RTN4R: variants seen among roughly 807,000 people sequenced by gnomAD.
The protein encoded by RTN4R is reticulon 4 receptor.
RTN4R carries 4 observed loss-of-function variants against 27.7 expected under a neutral mutation model. That is an observed-to-expected ratio of 0.14 (90% CI 0.07 to 0.33). RTN4R has a LOEUF of 0.33. RTN4R is among the 10% of genes least tolerant of loss of function. RTN4R has a pLI of 1.00. For synonymous variants in RTN4R, 290 were observed against 305.6 expected (o/e 0.95, Z 0.53); for missense variants, 554 against 671.5 (o/e 0.83, Z 1.93).
At position 20,243,565 on chromosome 22, in the gene RTN4R, C is replaced by T. The variant is rs887154449; in HGVS notation, c.23-455G>A. 10 of 441,004 alleles carry T rather than the reference C, an allele frequency of 2.3e-5. No homozygotes were observed. In the East Asian group the frequency reaches 4.2e-4, roughly 19 times the overall value. The allele number at this position is 441,004 out of a possible 1,614,324, so 27.3% of individuals were successfully genotyped here. A position where few individuals can be genotyped will look rare whatever the true frequency, so the allele number is the denominator to read the frequency against. On this transcript the variant is annotated intron_variant, in intron 1 of 1. Transcript: ENST00000043402. ...AATGGGGCTGGGGTCCCTCTGGGCA[C>T]GTCTATCTCAAAAACGGGCGCCTGG...
intron 1 of RTN4R, among the ~76,000 whole-genome samples, chr22:20,263,531 C>T (rs887855195): frequency 6.6e-6 from 1 of 152,256 alleles, no homozygotes; most frequent in African/African-American, 2.4e-5. Context: ...GCTAAGAATG[C>T]CAGGGTGCTG....
chr22:20,241,541 T>C lies in RTN4R; in HGVS notation c.*170A>G. On this transcript the variant is annotated 3_prime_UTR_variant, in exon 2 of 2. Coordinates refer to ENST00000043402, the MANE Select transcript of RTN4R (RefSeq NM_023004.6). Reference sequence around the variant, plus strand: ...TGGAACAAACGCTGCCGCCGAACCCTGTAAACATGATGGGGTGGAGATGGG... The same window carrying C: ...TGGAACAAACGCTGCCGCCGAACCCCGTAAACATGATGGGGTGGAGATGGG... 1.4e-6 allele frequency: 1 copy of C among 693,848 alleles called. No homozygotes were observed. Among genetic ancestry groups the C allele is most frequent in the Non-Finnish European group, 2.4e-6 (1 of 410,612 alleles). 43.0% of individuals were successfully genotyped at this position (693,848 alleles called of 1,614,324 possible).
intron 1 of RTN4R, among the ~76,000 whole-genome samples, chr22:20,244,014 G>T (rs1414541945): frequency 6.6e-6 from 1 of 152,180 alleles, no homozygotes; most frequent in East Asian, 1.9e-4. Flanking sequence ...ACCCACTCCG[G>T]AGTAAGCTTT....
intron 1 of RTN4R, among the ~76,000 whole-genome samples, chr22:20,262,366 C>T (rs1403050766): frequency 6.6e-6 from 1 of 152,180 alleles, no homozygotes; most frequent in African/African-American, 2.4e-5. Context: ...CATTCCCTCA[C>T]TTGCCGGGAC....
chr22:20,247,936 C>T (rs964580160), intron 1 of RTN4R, among the ~76,000 whole-genome samples: 3 of 152,178 alleles, frequency 2.0e-5, no homozygotes, highest in African/African-American at 2.4e-5. Flanking sequence ...TCAGCCCCCT[C>T]GGCTCCACTC....
rs1434092461 is a variant in RTN4R at position 20,255,934 on chromosome 22, GAA to G, written c.22+12135_22+12136del. Among the ~76,000 whole-genome samples the G allele has an allele frequency of 6.6e-6, 1 of 152,256 alleles. No individual in the cohort carries two copies. The highest frequency in any genetic ancestry group is 2.4e-5 in the African/African-American group (1 of 41,454). The stretch of plus-strand genomic sequence containing the variant: ...CGAGGCACGCACGCAGCGGCGACGT[GAA>G]TAAGTAATTGCTCTTTTATTAACAA... On this transcript the variant is annotated intron_variant, in intron 1 of 1. Transcript: ENST00000043402. The surrounding 1 kb of genome is among the most constrained non-coding windows in gnomAD (Gnocchi z 4.8).
At chr22:20,265,635 G>A (rs2051272696) in intron 1 of RTN4R, among the ~76,000 whole-genome samples, 1 of 152,182 alleles carries the variant, frequency 6.6e-6, no homozygotes, top group Non-Finnish European at 1.5e-5. Context: ...TCCCAAGCTG[G>A]GCAGCATCCC....
chr22:20,257,197 G>C (rs554794628), intron 1 of RTN4R, among the ~76,000 whole-genome samples: 1 of 152,358 alleles, frequency 6.6e-6, no homozygotes, highest in East Asian at 1.9e-4. Flanking sequence ...GGCAACGGAT[G>C]TTCCTGGGTT....
intron 1 of RTN4R, among the ~76,000 whole-genome samples, chr22:20,264,857 G>A (rs1258158664): frequency 2.6e-5 from 4 of 152,136 alleles, no homozygotes; most frequent in African/African-American, 9.7e-5. Flanking sequence ...GAATGGGGGC[G>A]GGACGGCATG....
intron 1 of RTN4R, among the ~76,000 whole-genome samples, chr22:20,251,892 CACCATCATCATCACCACTATCCTT>C (rs2051182966): frequency 3.7e-5 from 1 of 26,770 alleles, no homozygotes; most frequent in Admixed American, 3.6e-4. Context: ...TCACTATCAC[CACCATCATCATCACCACTATCCTT>C]ATCACCATCA....
At chr22:20,251,590 A>C (rs1015137155) in intron 1 of RTN4R, among the ~76,000 whole-genome samples, 1 of 150,794 alleles carries the variant, frequency 6.6e-6, no homozygotes, top group Non-Finnish European at 1.5e-5. Context: ...CACCACCACT[A>C]TCATCATTAC....
chr22:20,247,580 C>T (rs530665281), intron 1 of RTN4R, among the ~76,000 whole-genome samples: 8 of 152,020 alleles, frequency 5.3e-5, no homozygotes, highest in African/African-American at 1.9e-4. Flanking sequence ...GCCAGAATTC[C>T]CATGGTGTTT....
In RTN4R at chr22:20,242,966, G is replaced by A. The variant is rs778934010; in HGVS notation, c.167C>T (p.Pro56Leu). 1.2e-6 allele frequency: 2 copies of A among 1,611,972 alleles called. No homozygotes were observed. Among genetic ancestry groups the A allele is most frequent in the South Asian group, 1.1e-5 (1 of 91,050 alleles). The stretch of plus-strand genomic sequence containing the variant: ...CAGGAAGATGCGCTGGCTGGCAGCA[G>A]GGATGCCCACGGGCACAGCCTGCAG... ...QGLQAVPVGI[P>L]AASQRIFLHG... The change falls in exon 2 of 2, where the codon CCT (proline) becomes CTT (leucine). Residue 56 changes from proline to leucine, a missense_variant. By Grantham distance (98) the Pro-to-Leu change is moderately conservative (BLOSUM62 -3). Transcript: ENST00000043402.
At chr22:20,259,752 C>T (rs1195932990) in intron 1 of RTN4R, among the ~76,000 whole-genome samples, 1 of 152,178 alleles carries the variant, frequency 6.6e-6, no homozygotes, top group East Asian at 1.9e-4. Context: ...CATGAGCGGT[C>T]AATGTGGGAG....
intron 1 of RTN4R, among the ~76,000 whole-genome samples, chr22:20,263,905 CAG>C: frequency 6.6e-6 from 1 of 152,262 alleles, no homozygotes; most frequent in East Asian, 1.9e-4. Flanking sequence ...CAGGCAAGAC[CAG>C]AGGCTGTATG....
chr22:20,264,151 G>A (rs1028510590), intron 1 of RTN4R, among the ~76,000 whole-genome samples: 3 of 152,236 alleles, frequency 2.0e-5, no homozygotes, highest in African/African-American at 7.2e-5. Context: ...ATGGTGGGGT[G>A]GGTGTGCAGA....
At chr22:20,251,883 C>G (rs1272830427) in intron 1 of RTN4R, among the ~76,000 whole-genome samples, 1 of 62,428 alleles carries the variant, frequency 1.6e-5, no homozygotes, top group Non-Finnish European at 3.3e-5. Flanking sequence ...TCATCACTAT[C>G]ACTATCACCA....
intron 1 of RTN4R, among the ~76,000 whole-genome samples, chr22:20,254,351 C>G (rs1474325540): frequency 6.6e-6 from 1 of 151,144 alleles, no homozygotes; most frequent in African/African-American, 2.4e-5. Context: ...ATTGCTTGAG[C>G]CCAGAAGTTT....
chr22:20,247,143 G>T (rs1033181006), intron 1 of RTN4R, among the ~76,000 whole-genome samples: 3 of 152,146 alleles, frequency 2.0e-5, no homozygotes, highest in African/African-American at 7.2e-5. Flanking sequence ...TGGCCGGGAG[G>T]GGAATCTCCA....
Sources: allele counts gnomAD v4.1 joint callset (sites outside exome capture counted in the v4.1 genomes callset), GRCh38; gene constraint gnomAD v4.1.1; non-coding constraint Gnocchi (gnomAD v3.1); transcripts MANE v1.5; gene names NCBI Gene and HGNC (gene_info 2026-07-23, HGNC 2026-07-21).